Variants in MMS22L observed in about 807,000 individuals in gnomAD.
MMS22L encodes the protein protein MMS22-like.
MMS22L carries 74 observed loss-of-function variants against 159.1 expected under a neutral mutation model. The observed-to-expected ratio is 0.47, with a 90% confidence interval of 0.39 to 0.56. MMS22L has a LOEUF of 0.56. Ranked by LOEUF, MMS22L falls within the 20% of genes least tolerant of loss-of-function variation. The pLI is 0.00. For synonymous variants in MMS22L, 517 were observed against 506.9 expected (o/e 1.02, Z -0.27); for missense variants, 1,351 against 1,422.1 (o/e 0.95, Z 0.80).
intron 9 of MMS22L, among the ~76,000 whole-genome samples, chr6:97,262,929 CT>C (rs1814654680): frequency 6.6e-6 from 1 of 152,056 alleles, no homozygotes; most frequent in African/African-American, 2.4e-5. Flanking sequence ...GCTTCTCTTC[CT>C]CCCTCCTTGA....
At chr6:97,215,982 C>T (rs1311641175) in intron 14 of MMS22L, among the ~76,000 whole-genome samples, 1 of 152,084 alleles carries the variant, frequency 6.6e-6, no homozygotes, top group Admixed American at 6.6e-5. Context: ...AAAGAAGAAA[C>T]AATTGAAATT....
intron 8 of MMS22L, chr6:97,264,404 T>C (rs996523118): frequency 6.6e-6 from 1 of 151,496 alleles, no homozygotes; most frequent in African/African-American, 2.4e-5. Flanking sequence ...CCCTAGATAA[T>C]GCACAGAATG....
chr6:97,254,665 G>C lies in MMS22L; in HGVS notation c.1011C>G (p.Ser337=), dbSNP rs780279137. The change falls in exon 10 of 25, where the codon TCC becomes TCG. Residue 337 remains serine, a synonymous_variant. Coordinates refer to ENST00000683635, the MANE Select transcript of MMS22L (RefSeq NM_001350599.2). ...CCCTGGACTGGATTACAGGCATAGA[G>C]GATCTTCTTCGGTCACTTGATTTTT... ...LLEKSSDRRR[S]SMPVIQSRDP... is the part of the protein sequence containing the mutation. The C allele has an allele frequency of 1.2e-6, 2 of 1,612,676 alleles. No homozygotes were observed. Among genetic ancestry groups the C allele is most frequent in the African/African-American group, 1.3e-5 (1 of 74,860 alleles).
chr6:97,163,914 T>C (rs1057038796), intron 21 of MMS22L, among the ~76,000 whole-genome samples: 1 of 151,996 alleles, frequency 6.6e-6, no homozygotes, highest in Non-Finnish European at 1.5e-5. Flanking sequence ...CCATATGTAA[T>C]ACATTTGGAA....
intron 21 of MMS22L, 151 bp downstream of exon 21, chr6:97,165,095 A>T (rs2128246351): frequency 3.1e-6 from 2 of 642,804 alleles, no homozygotes. Context: ...TGTCATTTTA[A>T]TAAAATCTTA....
chr6:97,151,376 G>C (rs1801299827), intron 23 of MMS22L, among the ~76,000 whole-genome samples: 1 of 152,154 alleles, frequency 6.6e-6, no homozygotes, highest in African/African-American at 2.4e-5. Flanking sequence ...AGGACCATTA[G>C]GCCATACCAT....
At chr6:97,180,387 C>T (rs1452840214) in intron 16 of MMS22L, among the ~76,000 whole-genome samples, 1 of 152,158 alleles carries the variant, frequency 6.6e-6, no homozygotes, top group Non-Finnish European at 1.5e-5. Context: ...AGGCATGAGC[C>T]ACCGTGCTTG....
At chr6:97,210,822 C>T (rs779254644) in intron 14 of MMS22L, among the ~76,000 whole-genome samples, 47 of 151,940 alleles carry the variant, frequency 3.1e-4, no homozygotes, top group Non-Finnish European at 4.3e-4. Flanking sequence ...AATAGCTGGA[C>T]CATTAATTCA....
intron 14 of MMS22L, among the ~76,000 whole-genome samples, chr6:97,206,677 T>C (rs1245644266): frequency 6.6e-6 from 1 of 152,036 alleles, no homozygotes; most frequent in Non-Finnish European, 1.5e-5. Context: ...AAAGAAAGTC[T>C]CTAAGATGTT....
In MMS22L at chr6:97,157,539, A is replaced by C. The variant is rs1177962986; in HGVS notation, c.3385+4463T>G. Among the ~76,000 whole-genome samples, 3 of 152,120 alleles carry C rather than the reference A, an allele frequency of 2.0e-5. No homozygotes were observed. In the East Asian group the frequency reaches 5.8e-4, roughly 29 times the overall value. On this transcript the variant is annotated intron_variant, in intron 22 of 24. Coordinates refer to ENST00000683635, the MANE Select transcript of MMS22L (RefSeq NM_001350599.2). Reference sequence around the variant, plus strand: ...AGTTGTTAGCATGAAGTACTGTTGAATTTTGTTAAAGGCCTTTTCTGCATC... The same window carrying C: ...AGTTGTTAGCATGAAGTACTGTTGACTTTTGTTAAAGGCCTTTTCTGCATC...
intron 8 of MMS22L, 71 bp from the exon 9 acceptor site, chr6:97,263,519 A>AAG: frequency 8.9e-6 from 6 of 670,784 alleles, no homozygotes; most frequent in African/African-American, 1.9e-5. Context: ...TATCTTTCAA[A>AAG]TACTTTTAAA....
At chr6:97,193,191 C>T (rs752081775) in intron 14 of MMS22L, among the ~76,000 whole-genome samples, 5 of 152,046 alleles carry the variant, frequency 3.3e-5, no homozygotes, top group Non-Finnish European at 5.9e-5. Flanking sequence ...ATAGGGATTC[C>T]AAAGGTCAAC....
intron 15 of MMS22L, 61 bp from the exon 16 acceptor site, chr6:97,182,115 A>C: frequency 5.1e-6 from 7 of 1,367,386 alleles, no homozygotes; most frequent in Non-Finnish European, 5.0e-6. Flanking sequence ...TCTGACCCAC[A>C]CACCCCTGGC....
chr6:97,159,954 T>TG (rs1046312815), intron 22 of MMS22L, among the ~76,000 whole-genome samples: 1 of 147,956 alleles, frequency 6.8e-6, no homozygotes, highest in Non-Finnish European at 1.5e-5. Flanking sequence ...TTCTGTTTTT[T>TG]TTTTTTTTTT....
At chr6:97,174,305 A>T (rs946879818) in intron 18 of MMS22L, among the ~76,000 whole-genome samples, 1 of 152,042 alleles carries the variant, frequency 6.6e-6, no homozygotes, top group Non-Finnish European at 1.5e-5. Context: ...AAACTAATAA[A>T]ATTTTCAAAC....
intron 11 of MMS22L, among the ~76,000 whole-genome samples, chr6:97,245,283 A>G (rs1812506276): frequency 6.6e-6 from 1 of 152,158 alleles, no homozygotes; most frequent in Non-Finnish European, 1.5e-5. Flanking sequence ...ATGAGAAAGC[A>G]ATTTAAAGAA....
intron 12 of MMS22L, 49 bp downstream of exon 12, chr6:97,233,812 G>T: frequency 1.3e-6 from 2 of 1,547,716 alleles, no homozygotes; most frequent in Non-Finnish European, 1.7e-6. Context: ...CCTCAAATAT[G>T]TACAAATTTT....
intron 14 of MMS22L, among the ~76,000 whole-genome samples, chr6:97,207,822 C>G (rs2127929178): frequency 6.6e-6 from 1 of 152,250 alleles, no homozygotes; most frequent in East Asian, 1.9e-4. Context: ...AAGAACTATA[C>G]AGGCATATGG....
At chr6:97,185,614 T>C (rs1272464948) in intron 15 of MMS22L, among the ~76,000 whole-genome samples, 2 of 152,126 alleles carry the variant, frequency 1.3e-5, no homozygotes, top group Non-Finnish European at 2.9e-5. Context: ...CACAATTCTT[T>C]AATCTATCAT....
Sources: gnomAD v4.1 joint callset for allele counts (sites outside exome capture counted in the v4.1 genomes callset) on GRCh38, gnomAD v4.1.1 for gene constraint, MANE v1.5 for transcripts, NCBI Gene and HGNC (gene_info 2026-07-23, HGNC 2026-07-21) for gene names.